The following WDR43 variants were observed in gnomAD, a reference collection of about 807,000 sequenced individuals.
The protein encoded by WDR43 is WD repeat-containing protein 43.
In WDR43, 13 loss-of-function variants were observed where a neutral mutation model predicts 91.4. That is an observed-to-expected ratio of 0.14 (90% CI 0.09 to 0.23). The LOEUF (loss-of-function observed/expected upper bound fraction) is 0.23. WDR43 is among the 10% of genes least tolerant of loss of function. The pLI, the probability that WDR43 is intolerant of heterozygous loss-of-function variation, is 1.00. For missense variants in WDR43, 780 were observed against 809.4 expected, an observed-to-expected ratio of 0.96 and a Z score of 0.44; for synonymous variants, 331 against 287.9, an observed-to-expected ratio of 1.15 and a Z score of -1.51.
chr2:28,933,011 G>T (rs1474943911), intron 11 of WDR43, among the ~76,000 whole-genome samples: 1 of 152,132 alleles, frequency 6.6e-6, no homozygotes, highest in Non-Finnish European at 1.5e-5. Context: ...AGAGATCTAA[G>T]CCCTGTTCAT....
chr2:28,897,238 ATATAT>A (rs1457311826), intron 1 of WDR43, among the ~76,000 whole-genome samples: 1 of 152,210 alleles, frequency 6.6e-6, no homozygotes, highest in Non-Finnish European at 1.5e-5. Context: ...AAACTTGCAC[ATATAT>A]TATGGTATAA....
chr2:28,926,636 A>AT, intron 9 of WDR43, 82 bp downstream of exon 9: 2 of 1,230,056 alleles, frequency 1.6e-6, no homozygotes, highest in Non-Finnish European at 2.2e-6. Flanking sequence ...ATTATGATTA[A>AT]ACTGAGTTTT....
chr2:28,944,905 A>G (rs1216218965), intron 16 of WDR43, among the ~76,000 whole-genome samples: 1 of 152,074 alleles, frequency 6.6e-6, no homozygotes, highest in African/African-American at 2.4e-5. Flanking sequence ...TGCACATAAC[A>G]GGGCGCAATT....
intron 4 of WDR43, 64 bp from the exon 5 acceptor site, chr2:28,914,005 T>G (rs1254929657): frequency 6.3e-7 from 1 of 1,583,276 alleles, no homozygotes; most frequent in Non-Finnish European, 8.6e-7. Context: ...TTTGATAATA[T>G]ATACTATTAA....
chr2:28,899,859 A>G (rs930069597), intron 1 of WDR43, among the ~76,000 whole-genome samples: 3 of 152,226 alleles, frequency 2.0e-5, no homozygotes, highest in Non-Finnish European at 4.4e-5. Context: ...GAGTTCTTTA[A>G]GTTCAATAAA....
Position 28,946,453 on chromosome 2 carries a change from C to T in WDR43, c.1808C>T (p.Ser603Phe), listed in dbSNP as rs1313653805. The part of the protein sequence containing the change: ...QKAKLVYEEE[S>F]SEEESDDEIA... ...TGGGTTCTTTCTCCCCTTACAGAGT[C>T]TTCTGAAGAGGAGTCTGATGATGAA... The change falls in exon 17 of 18, where the codon TCT (serine) becomes TTT (phenylalanine). Residue 603 changes from serine to phenylalanine, a missense_variant. Transcript: ENST00000407426. 1.9e-6 allele frequency: 3 copies of T among 1,611,180 alleles called. No homozygotes were observed. Among genetic ancestry groups the T allele is most frequent in the African/African-American group, 1.3e-5 (1 of 75,020 alleles).
chr2:28,937,821 C>A, intron 13 of WDR43, 110 bp from the exon 14 acceptor site: 2 of 1,006,326 alleles, frequency 2.0e-6, no homozygotes, highest in African/African-American at 1.6e-5. Flanking sequence ...CAGTCATTTT[C>A]ACAGAGCAAC....
rs926315509 is a variant in WDR43, at chr2:28,936,771, T to G, written c.1525-151T>G. 32 of 724,068 alleles carry G rather than the reference T, an allele frequency of 4.4e-5. No individual in the cohort carries two copies. In the Admixed American group the frequency reaches 9.2e-4, roughly 21 times the overall value. The allele number at this position is 724,068 out of a possible 1,614,324, so 44.9% of individuals were successfully genotyped here. A position where few individuals can be genotyped will look rare whatever the true frequency, so the allele number is the denominator to read the frequency against. The stretch of plus-strand genomic sequence containing the variant: ...ACTTTTATCAGCTAATTACTCTGAT[T>G]ATGGGAATGTATTCATAGACTGTAT... On this transcript the variant is annotated intron_variant, in intron 12 of 17. Transcript: ENST00000407426.
intron 6 of WDR43, among the ~76,000 whole-genome samples, chr2:28,922,146 C>T (rs1671041635): frequency 6.6e-6 from 1 of 151,804 alleles, no homozygotes; most frequent in South Asian, 2.1e-4. Flanking sequence ...TTGTTTTTCA[C>T]AACAAAAGTT....
intron 9 of WDR43, 80 bp from the exon 10 acceptor site, chr2:28,927,489 A>G (rs1392334571): frequency 1.3e-6 from 2 of 1,522,430 alleles, no homozygotes; most frequent in African/African-American, 1.4e-5. Flanking sequence ...GAGCCCTTTA[A>G]AAGCTGTTTT....
intron 6 of WDR43, among the ~76,000 whole-genome samples, chr2:28,919,207 A>G (rs988709534): frequency 2.0e-5 from 3 of 152,258 alleles, no homozygotes; most frequent in South Asian, 2.1e-4. Flanking sequence ...GTAGTGAGCT[A>G]TGATCCTGCC....
In WDR43 at chr2:28,940,748, C is replaced by CT. The variant is rs147817645; in HGVS notation, c.1621-710dup. On this transcript the variant is annotated intron_variant, in intron 14 of 17. Coordinates refer to ENST00000407426, the MANE Select transcript of WDR43 (RefSeq NM_015131.3). ...ATATTGTTAAAAATGATCAAGGGGA[C>CT]TTTAAGATTTTATGAGAAAGGCAAA... 1.8e-4 allele frequency among the ~76,000 whole-genome samples: 28 copies of CT among 152,152 alleles called. No homozygotes were observed. In the East Asian group the frequency reaches 3.5e-3, roughly 19 times the overall value.
intron 11 of WDR43, among the ~76,000 whole-genome samples, chr2:28,934,430 G>A (rs1671301811): frequency 6.6e-6 from 1 of 152,276 alleles, no homozygotes; most frequent in African/African-American, 2.4e-5. Context: ...CGCTTCATTT[G>A]TACTGCAGTA....
rs556647748 is a variant in WDR43, at chr2:28,935,343, C to T, written c.1438-178C>T. On this transcript the variant is annotated intron_variant, in intron 11 of 17. Coordinates refer to ENST00000407426, the MANE Select transcript of WDR43 (RefSeq NM_015131.3). ...CTGTGCTTGTCTGTTAAGCACAAGA[C>T]GTAATATAACATACTCCATTCAGTC... Among the ~76,000 whole-genome samples, 14 of 151,924 alleles carry T rather than the reference C, an allele frequency of 9.2e-5. No individual in the cohort carries two copies. The South Asian group carries it at 1.0e-3, about 11-fold the overall frequency.
intron 14 of WDR43, among the ~76,000 whole-genome samples, chr2:28,940,677 T>TA (rs1354435360): frequency 2.0e-5 from 3 of 152,238 alleles, no homozygotes; most frequent in Non-Finnish European, 2.9e-5. Context: ...TTGCTTTTTA[T>TA]AGTTGATCTA....
chr2:28,918,717 A>G (rs900545873), intron 6 of WDR43, among the ~76,000 whole-genome samples: 2 of 152,288 alleles, frequency 1.3e-5, no homozygotes, highest in South Asian at 2.1e-4. Context: ...TTTGCTGCCT[A>G]TAAAAAAAGA....
chr2:28,914,115 C>G lies in WDR43; in HGVS notation c.653C>G (p.Thr218Ser), dbSNP rs1475261797. Residue 218 changes from threonine (T) to serine (S), a missense_variant, in exon 5 of 18, where the codon ACC (threonine) becomes AGC (serine). Transcript: ENST00000407426. The stretch of plus-strand genomic sequence containing the variant: ...CCAGTTTCGTCACTGATGTTCACTA[C>G]CATCAGACCTCCTAATGAGAGCCAG... ...ATPVSSLMFT[T>S]IRPPNESQPF... The G allele has an allele frequency of 1.2e-6, 2 of 1,613,876 alleles. No homozygotes were observed. Among genetic ancestry groups the G allele is most frequent in the Non-Finnish European group, 1.7e-6 (2 of 1,179,812 alleles).
intron 1 of WDR43, among the ~76,000 whole-genome samples, chr2:28,896,955 A>G (rs1670492075): frequency 6.6e-6 from 1 of 152,168 alleles, no homozygotes; most frequent in East Asian, 1.9e-4. Context: ...CCCTGAAATT[A>G]ATTGCATTTT....
intron 3 of WDR43, among the ~76,000 whole-genome samples, chr2:28,909,168 C>A (rs66854259): frequency 6.6e-6 from 1 of 151,722 alleles, no homozygotes; most frequent in African/African-American, 2.4e-5. Context: ...GATGGAGTTT[C>A]GCTCTTGTTG....
Sources: gnomAD v4.1 joint callset for allele counts (sites outside exome capture counted in the v4.1 genomes callset) on GRCh38, gnomAD v4.1.1 for gene constraint, MANE v1.5 for transcripts, NCBI Gene and HGNC (gene_info 2026-07-23, HGNC 2026-07-21) for gene names.